The following IL17RE variants were observed in gnomAD, a reference collection of about 807,000 sequenced individuals.
IL17RE encodes the protein interleukin 17 receptor E.
A neutral mutation model predicts 70.7 loss-of-function variants in IL17RE; 47 were observed. That is an observed-to-expected ratio of 0.67 (90% confidence interval 0.53 to 0.85). IL17RE has a LOEUF of 0.85. Ranked by LOEUF, IL17RE falls within the 40% of genes least tolerant of loss-of-function variation. The pLI is 0.00. For missense variants in IL17RE, 850 were observed against 893.9 expected (o/e 0.95, Z 0.63); for synonymous variants, 372 against 381.2 (o/e 0.98, Z 0.28).
At position 9,915,822 on chromosome 3, in the gene IL17RE, C is replaced by T. The variant is rs375396627; in HGVS notation, c.*15C>T. The T allele has an allele frequency of 6.8e-5, 102 of 1,497,124 alleles. 1 individual carries two copies. In the African/African-American group the frequency reaches 1.4e-3, roughly 21 times the overall value. The allele number at this position is 1,497,124 out of a possible 1,614,324, so 92.7% of individuals were successfully genotyped here. On this transcript the variant is annotated 3_prime_UTR_variant, in exon 16 of 16. Coordinates refer to ENST00000383814, the MANE Select transcript of IL17RE (RefSeq NM_153480.2). The surrounding 1 kb of genome is among the most constrained non-coding windows in gnomAD (Gnocchi z 4.9). ...ACCTAGGTTGAGCAGAGCTCCACCG[C>T]AGTCCCGGGTGTCTGCGGCCGCAAC...
At chr3:9,906,893 G>A (rs375793814) in intron 5 of IL17RE, 28 bp downstream of exon 5, 12 of 1,614,054 alleles carry the variant, frequency 7.4e-6, no homozygotes, top group African/African-American at 1.3e-5. Flanking sequence ...CAGGAGATGG[G>A]TTCAGCTGAG....
chr3:9,912,271 A>G (rs368239621), intron 12 of IL17RE, among the ~76,000 whole-genome samples: 12 of 151,928 alleles, frequency 7.9e-5, no homozygotes, highest in African/African-American at 2.9e-4. Context: ...CTGTGTAAAA[A>G]TTTTCTTCCA....
intron 14 of IL17RE, 22 bp downstream of exon 14, chr3:9,914,621 G>C (rs777880522): frequency 3.1e-6 from 5 of 1,613,446 alleles, no homozygotes; most frequent in Non-Finnish European, 4.2e-6. Context: ...GGGAGGGGGA[G>C]GTAAGAGGGA....
chr3:9,910,863 A>C lies in IL17RE; in HGVS notation c.803-2A>C. 1 of 1,613,172 alleles carries C rather than the reference A, an allele frequency of 6.2e-7. No homozygotes were observed. ...CACCCACTGACCCTGCCACCTGCCC[A>C]GATGGCTCGGACTTCTGGAAGTCAG... On this transcript the variant is annotated splice_acceptor_variant, in intron 8 of 15. Transcript: ENST00000383814. LOFTEE classifies it high-confidence loss of function.
chr3:9,902,945 A>C lies in IL17RE; in HGVS notation c.13A>C (p.Arg5=). ...TGCACAGAAGCCCATGGGGAGCTCC[A>C]GACTGGCAGCCCTGCTCCTGCCTCT... MGSS[R]LAALLLPLLL... The change falls in exon 1 of 16, where the codon AGA becomes CGA. Residue 5 remains arginine, a synonymous_variant. Transcript: ENST00000383814. 1 of 1,614,248 alleles carries C rather than the reference A, an allele frequency of 6.2e-7. No individual in the cohort carries two copies. The highest frequency in any genetic ancestry group is 2.2e-5 in the East Asian group (1 of 44,892).
Position 9,903,412 on chromosome 3 carries a change from G to A in IL17RE, c.148G>A (p.Gly50Arg), listed in dbSNP as rs753906961. The A allele has an allele frequency of 6.2e-7, 1 of 1,613,960 alleles. No individual in the cohort carries two copies. Among genetic ancestry groups the A allele is most frequent in the South Asian group, 1.1e-5 (1 of 91,066 alleles). ...LASHTDDSFTGSSAYIPCRTW... is the reference protein window; with the variant it reads ...LASHTDDSFTRSSAYIPCRTW... ...TGTGCCTCAGGATGACAGTTTCACT[G>A]GTGAGTCGCATTTCCTGCCCCATTG... Residue 50 changes from glycine to arginine, a missense_variant and splice_region_variant, in exon 2 of 16, where the codon GGA (glycine) becomes AGA (arginine). Coordinates refer to ENST00000383814, the MANE Select transcript of IL17RE (RefSeq NM_153480.2).
chr3:9,908,826 C>T (rs939556731), intron 7 of IL17RE, among the ~76,000 whole-genome samples: 8 of 152,168 alleles, frequency 5.3e-5, no homozygotes, highest in East Asian at 1.9e-4. Flanking sequence ...CCTAGAGCCA[C>T]GAGCAATTGC....
At chr3:9,902,732 C>T (rs1405644048), upstream of IL17RE, 2 of 1,534,044 alleles carry the variant, frequency 1.3e-6, no homozygotes, top group Non-Finnish European at 1.7e-6. Flanking sequence ...AAGCTTTCCT[C>T]AGTCCCTCCA....
Position 9,915,077 on chromosome 3 carries a change from GC to G in IL17RE, c.1448-171del, listed in dbSNP as rs1559277668. Among the ~76,000 whole-genome samples, 1 of 151,822 alleles carries G rather than the reference GC, an allele frequency of 6.6e-6. No homozygotes were observed. Among genetic ancestry groups the G allele is most frequent in the African/African-American group, 2.4e-5 (1 of 41,328 alleles). On this transcript the variant is annotated intron_variant, in intron 15 of 15. Coordinates refer to ENST00000383814, the MANE Select transcript of IL17RE (RefSeq NM_153480.2). This position sits in a 1 kb window ranked among gnomAD's most constrained non-coding sequence, Gnocchi z 4.9. ...CAGAAGGGGTGCCTTTATCTAATTA[GC>G]CCATAAGCACCCTATAGGCTAGGGC...
rs958955114 is a variant in IL17RE at position 9,904,252 on chromosome 3, G to C, written c.268+101G>C. On this transcript the variant is annotated intron_variant, in intron 3 of 15. Transcript: ENST00000383814. The stretch of plus-strand genomic sequence containing the variant: ...ACTTACTAGAACAGATATTTGTCTT[G>C]TTTTAACCTCAACTGGGACTTGGAT... The C allele has an allele frequency of 1.8e-5, 25 of 1,359,844 alleles. No individual in the cohort carries two copies. In the African/African-American group the frequency reaches 3.6e-4, roughly 19 times the overall value. The allele number at this position is 1,359,844 out of a possible 1,614,324, so 84.2% of individuals were successfully genotyped here. A position where few individuals can be genotyped will look rare whatever the true frequency, so the allele number is the denominator to read the frequency against.
intron 3 of IL17RE, among the ~76,000 whole-genome samples, chr3:9,904,575 A>G (rs772569265): frequency 1.1e-4 from 16 of 152,116 alleles, no homozygotes; most frequent in Non-Finnish European, 2.4e-4. Flanking sequence ...ACCTGAGGTC[A>G]GGAATTCGAG....
chr3:9,906,898 G>A, intron 5 of IL17RE, 33 bp downstream of exon 5: 1 of 1,614,154 alleles, frequency 6.2e-7, no homozygotes. Context: ...GATGGGTTCA[G>A]CTGAGTGGTG....
At chr3:9,909,527 A>G (rs538653385) in intron 8 of IL17RE, 19 of 526,666 alleles carry the variant, frequency 3.6e-5, no homozygotes, top group Non-Finnish European at 6.4e-5. Flanking sequence ...AGAAGTTTAG[A>G]AATATGAGGC....
At chr3:9,911,807 CTTTT>C in intron 12 of IL17RE, 1 of 395,678 alleles carries the variant, frequency 2.5e-6, no homozygotes, top group Non-Finnish European at 4.5e-6. Flanking sequence ...TTCTTTTTTT[CTTTT>C]TTTTTTTTGA....
intron 3 of IL17RE, among the ~76,000 whole-genome samples, chr3:9,905,797 G>C (rs376252565): frequency 6.6e-6 from 1 of 152,154 alleles, no homozygotes; most frequent in Admixed American, 6.5e-5. Flanking sequence ...TCCAGCCTGC[G>C]TGACAGAGCA....
upstream of IL17RE, among the ~76,000 whole-genome samples, chr3:9,902,123 G>T (rs1156770612): frequency 6.6e-6 from 1 of 152,050 alleles, no homozygotes; most frequent in Non-Finnish European, 1.5e-5. Flanking sequence ...GATGGGGAGG[G>T]TTCCCACAAA....
chr3:9,913,370 C>G (rs749943706), intron 12 of IL17RE, among the ~76,000 whole-genome samples: 5 of 151,872 alleles, frequency 3.3e-5, no homozygotes, highest in African/African-American at 7.3e-5. Context: ...CACCAGTGCA[C>G]TCCAGCCTGC....
chr3:9,909,311 G>A (rs779701836), intron 8 of IL17RE, 28 bp downstream of exon 8: 1 of 1,585,982 alleles, frequency 6.3e-7, no homozygotes, highest in African/African-American at 1.3e-5. Context: ...GCACCCTTGT[G>A]CACACACATC....
chr3:9,902,979 T>A lies in IL17RE; in HGVS notation c.47T>A (p.Ile16Lys). ...GCCCTGCTCCTGCCTCTCCTCCTCATAGTCATCGACCTCTCTGACTCTGCT... is the reference window on the plus strand; with the variant it reads ...GCCCTGCTCCTGCCTCTCCTCCTCAAAGTCATCGACCTCTCTGACTCTGCT... ...LAALLLPLLL[I>K]VIDLSDSAGI... is the part of the protein sequence containing the mutation. The change falls in exon 1 of 16, where the codon ATA (isoleucine) becomes AAA (lysine). Residue 16 changes from isoleucine to lysine, a missense_variant. By Grantham distance (102) the Ile-to-Lys change is moderately radical. Coordinates refer to ENST00000383814, the MANE Select transcript of IL17RE (RefSeq NM_153480.2). 1.2e-6 allele frequency: 2 copies of A among 1,614,178 alleles called. No individual in the cohort carries two copies. Among genetic ancestry groups the A allele is most frequent in the Non-Finnish European group, 1.7e-6 (2 of 1,179,992 alleles).
Sources: allele counts gnomAD v4.1 joint callset (sites outside exome capture counted in the v4.1 genomes callset), GRCh38; gene constraint gnomAD v4.1.1; non-coding constraint Gnocchi (gnomAD v3.1); transcripts MANE v1.5; gene names NCBI Gene and HGNC (gene_info 2026-07-23, HGNC 2026-07-21).